DFFB: variants seen among roughly 807,000 people sequenced by gnomAD.
DFFB encodes DNA fragmentation factor 40 kDa subunit.
DFFB carries 29 observed loss-of-function variants against 32.7 expected under a neutral mutation model. That is an observed-to-expected ratio of 0.89 (90% CI 0.66 to 1.21). The LOEUF (loss-of-function observed/expected upper bound fraction) is 1.21. Ranked by LOEUF, DFFB falls within the 50% of genes most tolerant of loss-of-function variation. The pLI, the probability that DFFB is intolerant of heterozygous loss-of-function variation, is 0.00. For missense variants in DFFB, 398 were observed against 440.6 expected (o/e 0.90, Z 0.87); for synonymous variants, 170 against 177.1 (o/e 0.96, Z 0.32).
At chr1:3,880,011 T>C (rs1645304378) in intron 6 of DFFB, among the ~76,000 whole-genome samples, 1 of 152,250 alleles carries the variant, frequency 6.6e-6, no homozygotes, top group Admixed American at 6.5e-5. Flanking sequence ...CGCCAATGCC[T>C]TCAAATGTCC....
intron 6 of DFFB, among the ~76,000 whole-genome samples, chr1:3,879,311 G>A (rs1645288652): frequency 6.6e-6 from 1 of 152,150 alleles, no homozygotes. Flanking sequence ...CTGTGTGTTG[G>A]ACCTTCTCAT....
At chr1:3,870,282 C>A (rs559277566) in intron 5 of DFFB, among the ~76,000 whole-genome samples, 1 of 152,332 alleles carries the variant, frequency 6.6e-6, no homozygotes, top group South Asian at 2.1e-4. Flanking sequence ...CAACTTGAGG[C>A]GCCTCTTGGC....
At chr1:3,862,452 C>G (rs1026457959) in intron 2 of DFFB, among the ~76,000 whole-genome samples, 3 of 152,196 alleles carry the variant, frequency 2.0e-5, no homozygotes, top group Non-Finnish European at 4.4e-5. Flanking sequence ...CCCACATATT[C>G]TGATTTCAAA....
intron 2 of DFFB, among the ~76,000 whole-genome samples, chr1:3,863,977 A>AT (rs945636181): frequency 8.6e-5 from 13 of 151,772 alleles, no homozygotes; most frequent in Non-Finnish European, 1.8e-4. Flanking sequence ...TATTTTATTT[A>AT]TTTTTTTTGA....
At position 3,865,967 on chromosome 1, in the gene DFFB, G is replaced by A. The variant is rs1326513528; in HGVS notation, c.397G>A (p.Glu133Lys). The change falls in exon 3 of 7, where the codon GAG (glutamate) becomes AAG (lysine). Residue 133 changes from glutamate to lysine, a missense_variant. Transcript: ENST00000378209. The surrounding 1 kb of genome is among the most constrained non-coding windows in gnomAD (Gnocchi z 4.7). Reference protein sequence around the residue: ...LHNVSQNIAAETRAEDPPWFE... With the variant: ...LHNVSQNIAAKTRAEDPPWFE... ...CAACGTCAGCCAGAACATCGCGGCCGAGACCCGGGCTGAGGACCCGCCGTG... is the reference window on the plus strand; with the variant it reads ...CAACGTCAGCCAGAACATCGCGGCCAAGACCCGGGCTGAGGACCCGCCGTG... 1.3e-6 allele frequency: 2 copies of A among 1,584,532 alleles called. No homozygotes were observed. The highest frequency in any genetic ancestry group is 1.7e-6 in the Non-Finnish European group (2 of 1,162,256).
At chr1:3,872,196 C>T (rs1285774019) in intron 5 of DFFB, among the ~76,000 whole-genome samples, 2 of 152,144 alleles carry the variant, frequency 1.3e-5, no homozygotes, top group Non-Finnish European at 2.9e-5. Flanking sequence ...GGGCGGATCA[C>T]GAGGTCAAGA....
rs984781735 is a variant in DFFB, at chr1:3,884,097, T to C, written c.*356T>C. ...CGGGGTTTCACCATGTTGGTCAGGC[T>C]GGTCTCAAACTCCTGACCTCAGGTG... On this transcript the variant is annotated 3_prime_UTR_variant, in exon 7 of 7. Coordinates refer to ENST00000378209, the MANE Select transcript of DFFB (RefSeq NM_004402.4). The C allele has an allele frequency of 7.2e-6, 2 of 276,418 alleles. No individual in the cohort carries two copies. The highest frequency in any genetic ancestry group is 4.5e-5 in the African/African-American group (2 of 44,896). The allele number at this position is 276,418 out of a possible 1,614,324, so 17.1% of individuals were successfully genotyped here.
In DFFB at chr1:3,883,745, G is replaced by C. The variant is rs774244061; in HGVS notation, c.*4G>C. On this transcript the variant is annotated 3_prime_UTR_variant, in exon 7 of 7. Transcript: ENST00000378209. Reference sequence around the variant, plus strand: ...GCCTGTGCGGAAACGCCAGTGACACGTACACACCACGTCCTGGTCTTTGTT... The same window carrying C: ...GCCTGTGCGGAAACGCCAGTGACACCTACACACCACGTCCTGGTCTTTGTT... The C allele has an allele frequency of 6.2e-7, 1 of 1,612,378 alleles. No homozygotes were observed. The highest frequency in any genetic ancestry group is 2.2e-5 in the East Asian group (1 of 44,882).
intron 5 of DFFB, among the ~76,000 whole-genome samples, chr1:3,870,912 C>T (rs894105207): frequency 7.2e-5 from 11 of 152,196 alleles, no homozygotes; most frequent in Admixed American, 2.0e-4. Flanking sequence ...GCTCCCGGCA[C>T]GTGCTCTGCA....
intron 6 of DFFB, among the ~76,000 whole-genome samples, chr1:3,877,888 C>T (rs183987176): frequency 3.3e-5 from 5 of 152,182 alleles, no homozygotes; most frequent in African/African-American, 1.2e-4. Flanking sequence ...TCTCTCGGTC[C>T]TGTGGCGTTT....
At chr1:3,873,645 A>T (rs1209555112) in intron 6 of DFFB, among the ~76,000 whole-genome samples, 1 of 151,930 alleles carries the variant, frequency 6.6e-6, no homozygotes, top group African/African-American at 2.4e-5. Flanking sequence ...ACGTCCAGCT[A>T]ATTTTGTATT....
chr1:3,870,481 A>T (rs1391255693), intron 5 of DFFB, among the ~76,000 whole-genome samples: 1 of 152,114 alleles, frequency 6.6e-6, no homozygotes, highest in Non-Finnish European at 1.5e-5. Flanking sequence ...TGGCCATAAA[A>T]ACGCTTCTTC....
At chr1:3,871,380 A>G (rs1380059228) in intron 5 of DFFB, among the ~76,000 whole-genome samples, 4 of 152,220 alleles carry the variant, frequency 2.6e-5, no homozygotes, top group African/African-American at 9.6e-5. Flanking sequence ...TCTGCCTCCC[A>G]GGTTCAAGTG....
chr1:3,865,029 G>A lies in DFFB; in HGVS notation c.242-783G>A, dbSNP rs1441958093. Among the ~76,000 whole-genome samples the A allele has an allele frequency of 6.6e-6, 1 of 151,832 alleles. No homozygotes were observed. Among genetic ancestry groups the A allele is most frequent in the Non-Finnish European group, 1.5e-5 (1 of 68,000 alleles). ...GACATGAGTTCTTTGTCAGACATGT[G>A]GTTTGCAAATATTTACCCTGTGGCT... On this transcript the variant is annotated intron_variant, in intron 2 of 6. Coordinates refer to ENST00000378209, the MANE Select transcript of DFFB (RefSeq NM_004402.4). This position sits in a 1 kb window ranked among gnomAD's most constrained non-coding sequence, Gnocchi z 4.7.
rs1046403458 is a variant in DFFB, at chr1:3,884,394, G to C, written c.*653G>C. 1 of 152,506 alleles carries C rather than the reference G, an allele frequency of 6.6e-6. No homozygotes were observed. Among genetic ancestry groups the C allele is most frequent in the East Asian group, 1.9e-4 (1 of 5,210 alleles). 9.4% of individuals were successfully genotyped at this position (152,506 alleles called of 1,614,324 possible). A position where few individuals can be genotyped will look rare whatever the true frequency, so the allele number is the denominator to read the frequency against. On this transcript the variant is annotated 3_prime_UTR_variant, in exon 7 of 7. Transcript: ENST00000378209. ...TCAAATGGTGTCATGGCTGAAGTTG[G>C]CCACCTTGCTTGAGGGACAAGTTGT...
intron 4 of DFFB, among the ~76,000 whole-genome samples, chr1:3,869,166 C>T (rs1645059546): frequency 1.3e-5 from 2 of 152,204 alleles, no homozygotes; most frequent in Admixed American, 1.3e-4. Context: ...TTCAAGTAAT[C>T]CTCCTGCCTC....
chr1:3,857,714 C>A lies in DFFB; in HGVS notation c.111C>A (p.Phe37Leu), dbSNP rs1368665328. 1.3e-6 allele frequency: 2 copies of A among 1,531,898 alleles called. No individual in the cohort carries two copies. The highest frequency in any genetic ancestry group is 2.5e-5 in the East Asian group (1 of 40,154). 94.9% of individuals were successfully genotyped at this position (1,531,898 alleles called of 1,614,324 possible). A position where few individuals can be genotyped will look rare whatever the true frequency, so the allele number is the denominator to read the frequency against. Reference sequence around the variant, plus strand: ...TGCTGCGCAAGGGCTGTCTCCGCTTCCAGGTGCCCGCTGGGCTAGGCGGGG... The same window carrying A: ...TGCTGCGCAAGGGCTGTCTCCGCTTACAGGTGCCCGCTGGGCTAGGCGGGG... ...QEVLRKGCLR[F>L]QLPERGSRLC... Residue 37 changes from phenylalanine to leucine, a missense_variant, in exon 1 of 7, where the codon TTC (phenylalanine) becomes TTA (leucine). Transcript: ENST00000378209.
chr1:3,868,678 C>CACCAG (rs1557716277), intron 4 of DFFB, among the ~76,000 whole-genome samples: 1,944 of 11,304 alleles, frequency 0.17, 347 homozygotes, highest in East Asian at 0.2. Context: ...CACCACACCA[C>CACCAG]GCCACACCAC....
At chr1:3,873,296 A>G (rs1231018934) in intron 6 of DFFB, among the ~76,000 whole-genome samples, 2 of 152,230 alleles carry the variant, frequency 1.3e-5, no homozygotes, top group African/African-American at 2.4e-5. Context: ...TTCCTTGAAT[A>G]TAATTGTAGC....
Sources: gnomAD v4.1 joint callset for allele counts (sites outside exome capture counted in the v4.1 genomes callset) on GRCh38, gnomAD v4.1.1 for gene constraint, Gnocchi (gnomAD v3.1) non-coding constraint, MANE v1.5 for transcripts, NCBI Gene and HGNC (gene_info 2026-07-23, HGNC 2026-07-21) for gene names.